JAK1: variants seen among roughly 807,000 people sequenced by gnomAD.
JAK1 encodes tyrosine-protein kinase JAK1.
In JAK1, 16 loss-of-function variants were observed where a neutral mutation model predicts 136.6. That is an observed-to-expected ratio of 0.12 (90% CI 0.08 to 0.18). The LOEUF (loss-of-function observed/expected upper bound fraction) is 0.18, where lower values mean the gene tolerates loss of function less well. Ranked by LOEUF, JAK1 falls within the 10% of genes least tolerant of loss-of-function variation. The pLI is 1.00. For synonymous variants in JAK1, 492 were observed against 519.5 expected (o/e 0.95, Z 0.72); for missense variants, 859 against 1,450.1 (o/e 0.59, Z 6.62).
At chr1:64,977,138 C>CTTGT (rs10636048) in intron 2 of JAK1, among the ~76,000 whole-genome samples, 100,767 of 148,242 alleles carry the variant, frequency 0.68, 35,541 homozygotes, top group Middle Eastern at 0.8. Flanking sequence ...ACAGCTTCAT[C>CTTGT]TTGTTTGTTT....
chr1:65,009,559 G>A (rs1036873186), intron 2 of JAK1, among the ~76,000 whole-genome samples: 3 of 152,130 alleles, frequency 2.0e-5, no homozygotes, highest in Non-Finnish European at 2.9e-5. Context: ...ATAAGACAGG[G>A]AAAAGGACAT....
chr1:64,874,945 G>A (rs867095430), intron 4 of JAK1, among the ~76,000 whole-genome samples: 2 of 152,258 alleles, frequency 1.3e-5, no homozygotes, highest in South Asian at 4.1e-4. Context: ...CAACTATCCA[G>A]CAACACACAA....
chr1:64,872,707 A>G (rs1468003084), intron 5 of JAK1, among the ~76,000 whole-genome samples: 1 of 152,248 alleles, frequency 6.6e-6, no homozygotes, highest in Non-Finnish European at 1.5e-5. Context: ...TCATTAAAAC[A>G]ACGAAGATCA....
chr1:65,045,568 C>T (rs895476784), intron 1 of JAK1, among the ~76,000 whole-genome samples: 1 of 152,112 alleles, frequency 6.6e-6, no homozygotes, highest in Non-Finnish European at 1.5e-5. Context: ...TAGCTTTATC[C>T]TCTGTGAGCC....
intron 1 of JAK1, among the ~76,000 whole-genome samples, chr1:64,939,501 G>A (rs1046859420): frequency 1.3e-5 from 2 of 152,322 alleles, no homozygotes; most frequent in African/African-American, 2.4e-5. Context: ...GAACTCTGAA[G>A]TCAGAAAAGA....
In JAK1 at chr1:64,947,005, T is replaced by A. The variant is rs1188296970; in HGVS notation, c.-78+19328A>T. Among the ~76,000 whole-genome samples, 3 of 151,916 alleles carry A rather than the reference T, an allele frequency of 2.0e-5. No individual in the cohort carries two copies. In the East Asian group the frequency reaches 5.8e-4, roughly 29 times the overall value. Reference sequence around the variant, plus strand: ...TTCCACTTATAAGAAGTAGCCAGAGTAGTCAAATCCATAGATAGAAAAAGT... The same window carrying A: ...TTCCACTTATAAGAAGTAGCCAGAGAAGTCAAATCCATAGATAGAAAAAGT... On this transcript the variant is annotated intron_variant, in intron 1 of 24. Coordinates refer to ENST00000342505, the MANE Select transcript of JAK1 (RefSeq NM_002227.4).
chr1:64,943,196 G>A, intron 1 of JAK1, among the ~76,000 whole-genome samples: 1 of 152,052 alleles, frequency 6.6e-6, no homozygotes, highest in East Asian at 1.9e-4. Flanking sequence ...CTAATTAGTA[G>A]CACTATAAAG....
At chr1:64,995,340 C>T (rs1416055546) in intron 2 of JAK1, among the ~76,000 whole-genome samples, 1 of 152,116 alleles carries the variant, frequency 6.6e-6, no homozygotes, top group Non-Finnish European at 1.5e-5. Context: ...ATCTATCTTG[C>T]TTAATGTCAT....
intron 4 of JAK1, among the ~76,000 whole-genome samples, chr1:64,875,080 T>C (rs1657315738): frequency 6.6e-6 from 1 of 152,192 alleles, no homozygotes; most frequent in Admixed American, 6.5e-5. Context: ...TAAGTGAAAT[T>C]AGACATTTTA....
chr1:64,944,221 CAAAA>C (rs771660692), intron 1 of JAK1, among the ~76,000 whole-genome samples: 1 of 63,396 alleles, frequency 1.6e-5, no homozygotes, highest in Non-Finnish European at 3.3e-5. Flanking sequence ...GACTCTGTCT[CAAAA>C]AAAAAAAAAA....
intron 1 of JAK1, among the ~76,000 whole-genome samples, chr1:64,955,062 T>A (rs1646159028): frequency 6.6e-6 from 1 of 152,240 alleles, no homozygotes; most frequent in Non-Finnish European, 1.5e-5. Context: ...GGATGTAATT[T>A]GACCGAATTC....
chr1:64,907,757 T>C (rs1195896958), intron 1 of JAK1, among the ~76,000 whole-genome samples: 2 of 152,140 alleles, frequency 1.3e-5, no homozygotes, highest in Non-Finnish European at 2.9e-5. Context: ...CCTAATTTTA[T>C]AGGTGGAGCC....
chr1:64,844,171 C>T lies in JAK1; in HGVS notation c.2296G>A (p.Asp766Asn), dbSNP rs1245661651. 1 of 1,614,118 alleles carries T rather than the reference C, an allele frequency of 6.2e-7. No homozygotes were observed. Among genetic ancestry groups the T allele is most frequent in the East Asian group, 2.2e-5 (1 of 44,898 alleles). The change falls in exon 17 of 25, where the codon GAC (aspartate) becomes AAC (asparagine). Residue 766 changes from aspartate (D) to asparagine (N), a missense_variant. Asp to Asn is a conservative substitution (Grantham distance 23). Coordinates refer to ENST00000342505, the MANE Select transcript of JAK1 (RefSeq NM_002227.4). This position sits in a 1 kb window ranked among gnomAD's most constrained non-coding sequence, Gnocchi z 5.7. ...IPWIAPECVE[D>N]SKNLSVAADK... is the part of the protein sequence containing the mutation. ...GCAGCCACACTCAGGTTCTTGGAGT[C>T]CTCAACACACTCAGGAGCAATCCAT...
intron 2 of JAK1, chr1:64,973,223 A>AAAAG (rs532108615): frequency 4.0e-5 from 6 of 150,898 alleles, no homozygotes; most frequent in East Asian, 3.9e-4. Context: ...GAAAGAAAGG[A>AAAAG]AAAGAAAGAA....
At chr1:64,907,879 G>A (rs1645217622) in intron 1 of JAK1, among the ~76,000 whole-genome samples, 1 of 152,138 alleles carries the variant, frequency 6.6e-6, no homozygotes, top group South Asian at 2.1e-4. Flanking sequence ...AGTAGACCCA[G>A]CTCACACCAA....
At chr1:64,973,503 A>G (rs907544146) in intron 2 of JAK1, among the ~76,000 whole-genome samples, 4 of 151,892 alleles carry the variant, frequency 2.6e-5, no homozygotes, top group African/African-American at 4.8e-5. Context: ...TAAGATTTCA[A>G]TGGATGTTCT....
rs936924161 is a variant in JAK1, at chr1:64,842,036, C to T, written c.2404-435G>A. Among the ~76,000 whole-genome samples the T allele has an allele frequency of 2.0e-5, 3 of 152,088 alleles. No individual in the cohort carries two copies. The East Asian group carries it at 5.8e-4, about 29-fold the overall frequency. Reference sequence around the variant, plus strand: ...ACTGGAAATTTGAAAACTTAAATGCCAAATATAAAATTAGTCAAGTAAATT... The same window carrying T: ...ACTGGAAATTTGAAAACTTAAATGCTAAATATAAAATTAGTCAAGTAAATT... On this transcript the variant is annotated intron_variant, in intron 17 of 24. Coordinates refer to ENST00000342505, the MANE Select transcript of JAK1 (RefSeq NM_002227.4).
intron 12 of JAK1, among the ~76,000 whole-genome samples, chr1:64,850,203 G>A (rs974360163): frequency 2.6e-5 from 4 of 152,184 alleles, no homozygotes; most frequent in African/African-American, 9.7e-5. Flanking sequence ...CAGAAAGTGG[G>A]CTTTCCCTGG....
chr1:64,840,738 A>G (rs1408318452), intron 19 of JAK1, among the ~76,000 whole-genome samples: 2 of 152,152 alleles, frequency 1.3e-5, no homozygotes, highest in Admixed American at 1.3e-4. Flanking sequence ...AGGCTGAGGC[A>G]GGAAGATTGC....
Sources: gnomAD v4.1 joint callset for allele counts (sites outside exome capture counted in the v4.1 genomes callset) on GRCh38, gnomAD v4.1.1 for gene constraint, Gnocchi (gnomAD v3.1) non-coding constraint, MANE v1.5 for transcripts, NCBI Gene and HGNC (gene_info 2026-07-23, HGNC 2026-07-21) for gene names.